The following TMEM130 variants were observed in gnomAD, a reference collection of about 807,000 sequenced individuals.
TMEM130 encodes transmembrane protein 130.
In TMEM130, 37 loss-of-function variants were observed where a neutral mutation model predicts 42.9. The observed-to-expected ratio is 0.86, with a 90% CI of 0.66 to 1.13. The LOEUF (loss-of-function observed/expected upper bound fraction) is 1.13. Ranked by LOEUF, TMEM130 falls within the 50% of genes most tolerant of loss-of-function variation. The pLI, the probability that TMEM130 is intolerant of heterozygous loss-of-function variation, is 0.00. For missense variants in TMEM130, 545 were observed against 562.6 expected (o/e 0.97, Z 0.32); for synonymous variants, 259 against 237.7 (o/e 1.09, Z -0.82).
At chr7:98,857,883 C>G (rs1225466554) in intron 3 of TMEM130, among the ~76,000 whole-genome samples, 1 of 151,864 alleles carries the variant, frequency 6.6e-6, no homozygotes, top group Non-Finnish European at 1.5e-5. Context: ...CACCACCATG[C>G]CTGGCTAATT....
At chr7:98,855,722 G>A (rs1004576186) in intron 4 of TMEM130, among the ~76,000 whole-genome samples, 13 of 151,980 alleles carry the variant, frequency 8.6e-5, no homozygotes, top group Admixed American at 5.2e-4. Flanking sequence ...CGATGGGGCC[G>A]GGGAACAGGG....
intron 5 of TMEM130, 33 bp from the exon 6 acceptor site, chr7:98,851,656 G>A: frequency 6.4e-7 from 1 of 1,564,674 alleles, no homozygotes; most frequent in Non-Finnish European, 8.7e-7. Context: ...TTTAAGAAAA[G>A]GCTCAGCAAA....
chr7:98,867,839 G>T (rs1206345019), intron 1 of TMEM130, among the ~76,000 whole-genome samples: 1 of 152,172 alleles, frequency 6.6e-6, no homozygotes, highest in Non-Finnish European at 1.5e-5. Context: ...GGGGTCTCAG[G>T]GATGGCCAGG....
chr7:98,854,224 A>C (rs1794576804), intron 5 of TMEM130, among the ~76,000 whole-genome samples: 1 of 152,000 alleles, frequency 6.6e-6, no homozygotes, highest in Admixed American at 6.6e-5. Flanking sequence ...TTTTGAAGGC[A>C]GGCATTCCAA....
intron 5 of TMEM130, among the ~76,000 whole-genome samples, chr7:98,854,941 C>G (rs782223942): frequency 1.3e-5 from 2 of 152,184 alleles, no homozygotes; most frequent in Non-Finnish European, 2.9e-5. Flanking sequence ...GAGGCTGAGT[C>G]AGGATAATCG....
rs1290884464 is a variant in TMEM130, at chr7:98,850,271, A to AT, written c.1006+1149dup. Among the ~76,000 whole-genome samples the AT allele has an allele frequency of 8.1e-3, 276 of 33,870 alleles. 3 individuals are homozygous for AT. Among genetic ancestry groups the AT allele is most frequent in the African/African-American group, 0.014 (181 of 12,918 alleles). The allele number at this position is 33,870 out of a possible 152,430, so 22.2% of individuals were successfully genotyped here. A position where few individuals can be genotyped will look rare whatever the true frequency, so the allele number is the denominator to read the frequency against. ...CTCTCATATATATATATATATATATATATTTTTTTTTTTTTTTAATTTTTT... is the reference window on the plus strand; with the variant it reads ...CTCTCATATATATATATATATATATATTATTTTTTTTTTTTTTTAATTTTTT... On this transcript the variant is annotated intron_variant, in intron 6 of 7. Coordinates refer to ENST00000339375, the MANE Select transcript of TMEM130 (RefSeq NM_152913.3).
rs371600172 is a variant in TMEM130 at position 98,863,808 on chromosome 7, C to CTTCT, written c.86-412_86-409dup. Among the ~76,000 whole-genome samples the CTTCT allele has an allele frequency of 1.3e-3, 189 of 145,222 alleles. 1 individual carries two copies. Among genetic ancestry groups the CTTCT allele is most frequent in the African/African-American group, 4.6e-3 (181 of 39,056 alleles). ...CCTCCTCTCTTTTTTCTTTCTTTCTCTTCTTTCTTTTTTTCTCCCTTCCTT... is the reference window on the plus strand; with the variant it reads ...CCTCCTCTCTTTTTTCTTTCTTTCTCTTCTTTCTTTCTTTTTTTCTCCCTTCCTT... On this transcript the variant is annotated intron_variant, in intron 1 of 7. Coordinates refer to ENST00000339375, the MANE Select transcript of TMEM130 (RefSeq NM_152913.3).
At chr7:98,865,088 G>A (rs938541201) in intron 1 of TMEM130, among the ~76,000 whole-genome samples, 8 of 152,180 alleles carry the variant, frequency 5.3e-5, no homozygotes, top group Non-Finnish European at 8.8e-5. Flanking sequence ...CCAGCACAAC[G>A]CTTGGCACAT....
rs184183103 is a variant in TMEM130 at position 98,861,544 on chromosome 7, G to A, written c.392-1206C>T. ...AGCCTGGCCAACATAGCGAAACCCT[G>A]TCTCTACTAAAAATACAAAAATTAG... On this transcript the variant is annotated intron_variant, in intron 2 of 7. Coordinates refer to ENST00000339375, the MANE Select transcript of TMEM130 (RefSeq NM_152913.3). 2.9e-3 allele frequency among the ~76,000 whole-genome samples: 445 copies of A among 151,656 alleles called. 5 individuals are homozygous for A. The highest frequency in any genetic ancestry group is 0.01 in the African/African-American group (428 of 41,342).
chr7:98,863,312 G>A lies in TMEM130; in HGVS notation c.174C>T (p.Asn58=), dbSNP rs150023464. 9.2e-5 allele frequency: 148 copies of A among 1,612,652 alleles called. 1 individual carries two copies. The highest frequency in any genetic ancestry group is 3.3e-4 in the Middle Eastern group (2 of 6,082). The change falls in exon 2 of 8, where the codon AAC becomes AAT. Residue 58 remains asparagine, a synonymous_variant. Coordinates refer to ENST00000339375, the MANE Select transcript of TMEM130 (RefSeq NM_152913.3). ...TISASLVAKD[N]GSLALPADAH... is the part of the protein sequence containing the mutation. The stretch of plus-strand genomic sequence containing the variant: ...CGTCAGCGGGCAGGGCCAGGCTGCC[G>A]TTGTCCTTGGCCACCAGGCTGGCCG...
chr7:98,868,741 A>T (rs115992368), intron 1 of TMEM130, among the ~76,000 whole-genome samples: 82 of 152,338 alleles, frequency 5.4e-4, no homozygotes, highest in African/African-American at 1.9e-3. Context: ...ATTTCCAAAT[A>T]ATTAATTCAC....
At position 98,863,240 on chromosome 7, in the gene TMEM130, A is replaced by G. The variant is rs1554400122; in HGVS notation, c.246T>C (p.Thr82=). 3.1e-6 allele frequency: 5 copies of G among 1,613,988 alleles called. No homozygotes were observed. Among genetic ancestry groups the G allele is most frequent in the Admixed American group, 1.7e-5 (1 of 59,996 alleles). ...AGCTGAGACCCTTCTCCATCTTGCC[A>G]GTAAGCACCAGCGGGGTGTGGATCC... The part of the protein sequence containing the change: ...FHWIHTPLVL[T]GKMEKGLSST... Residue 82 remains threonine, a synonymous_variant, in exon 2 of 8, where the codon ACT becomes ACC. Coordinates refer to ENST00000339375, the MANE Select transcript of TMEM130 (RefSeq NM_152913.3).
At chr7:98,861,593 T>C (rs1213978769) in intron 2 of TMEM130, among the ~76,000 whole-genome samples, 1 of 152,124 alleles carries the variant, frequency 6.6e-6, no homozygotes, top group African/African-American at 2.4e-5. Context: ...CCAGCACCTG[T>C]AGTCCCAGCT....
At chr7:98,848,486 C>A in intron 7 of TMEM130, 97 bp downstream of exon 7, 1 of 938,116 alleles carries the variant, frequency 1.1e-6, no homozygotes, top group Non-Finnish European at 1.7e-6. Context: ...AATATCAAGA[C>A]CCCCTCCAGG....
intron 4 of TMEM130, 114 bp downstream of exon 4, chr7:98,855,903 T>C (rs1794620223): frequency 1.6e-6 from 2 of 1,240,658 alleles, no homozygotes; most frequent in African/African-American, 3.0e-5. Context: ...TCCTCAGAGG[T>C]CTGTGGGGCT....
intron 5 of TMEM130, 44 bp downstream of exon 5, chr7:98,855,196 C>T (rs1554398755): frequency 3.2e-6 from 5 of 1,563,566 alleles, no homozygotes; most frequent in Non-Finnish European, 1.8e-6. Context: ...GGGGGATGTG[C>T]AGAGCCCACG....
chr7:98,863,118 C>A lies in TMEM130; in HGVS notation c.368G>T (p.Gly123Val), dbSNP rs532281612. The change falls in exon 2 of 8, where the codon GGC becomes GTC. Residue 123 changes from glycine to valine, a missense_variant. Coordinates refer to ENST00000339375, the MANE Select transcript of TMEM130 (RefSeq NM_152913.3). ...ACCTGTGATGGGGAGGACCACAAAGCCCCTGGCCACAGGCTGGCACATCCA... is the reference window on the plus strand; with the variant it reads ...ACCTGTGATGGGGAGGACCACAAAGACCCTGGCCACAGGCTGGCACATCCA... ...DCWMCQPVARGFVVLPITEFL... is the reference protein window; with the variant it reads ...DCWMCQPVARVFVVLPITEFL... The A allele has an allele frequency of 6.2e-7, 1 of 1,613,272 alleles. No homozygotes were observed. Among genetic ancestry groups the A allele is most frequent in the Admixed American group, 1.7e-5 (1 of 60,024 alleles).
chr7:98,869,789 C>A lies in TMEM130; in HGVS notation c.73G>T (p.Gly25Trp). ...CCCAGCGCCTTACCTGCGGCCACCC[C>A]TGCCGGGGCCCAGGGCAGGAGGCAG... is the stretch of plus-strand genomic sequence containing the variant. ...LACLLPWAPA[G>W]VAAGLYELNL... The change falls in exon 1 of 8, where the codon GGG becomes TGG. Residue 25 changes from glycine (G) to tryptophan (W), a missense_variant. By Grantham distance (184) the Gly-to-Trp change is radical. Coordinates refer to ENST00000339375, the MANE Select transcript of TMEM130 (RefSeq NM_152913.3). The surrounding 1 kb of genome is among the most constrained non-coding windows in gnomAD (Gnocchi z 4.7). 7.0e-7 allele frequency: 1 copy of A among 1,428,090 alleles called. No homozygotes were observed. The highest frequency in any genetic ancestry group is 1.4e-5 in the South Asian group (1 of 69,840). The allele number at this position is 1,428,090 out of a possible 1,614,324, so 88.5% of individuals were successfully genotyped here.
rs1198818419 is a variant in TMEM130 at position 98,847,538 on chromosome 7, GTGTGGT to G, written c.*512_*517del. 1.3e-5 allele frequency: 2 copies of G among 148,240 alleles called. No homozygotes were observed. Among genetic ancestry groups the G allele is most frequent in the African/African-American group, 2.5e-5 (1 of 39,306 alleles). The allele number at this position is 148,240 out of a possible 1,614,324, so 9.2% of individuals were successfully genotyped here. On this transcript the variant is annotated 3_prime_UTR_variant, in exon 8 of 8. Coordinates refer to ENST00000339375, the MANE Select transcript of TMEM130 (RefSeq NM_152913.3). ...TGTGTGTGTGTGTGTGTGTGTGTGT[GTGTGGT>G]GTGTGTACATGCACACTTCTCTCTG...
Sources: gnomAD v4.1 joint callset for allele counts (sites outside exome capture counted in the v4.1 genomes callset) on GRCh38, gnomAD v4.1.1 for gene constraint, Gnocchi (gnomAD v3.1) non-coding constraint, MANE v1.5 for transcripts, NCBI Gene and HGNC (gene_info 2026-07-23, HGNC 2026-07-21) for gene names.